Variants in ADGRG7 observed in about 807,000 individuals in gnomAD.
ADGRG7 encodes G-protein coupled receptor 128.
A neutral mutation model predicts 88.6 loss-of-function variants in ADGRG7; 82 were observed. That is an observed-to-expected ratio of 0.93 (90% CI 0.77 to 1.11). ADGRG7 has a LOEUF of 1.11. Ranked by LOEUF, ADGRG7 falls within the 50% of genes most tolerant of loss-of-function variation. ADGRG7 has a pLI of 0.00. For missense variants in ADGRG7, 945 were observed against 953.4 expected (o/e 0.99, Z 0.12); for synonymous variants, 381 against 345.2 (o/e 1.10, Z -1.15).
chr3:100,688,441 C>T (rs543228758), intron 15 of ADGRG7, among the ~76,000 whole-genome samples: 1 of 152,236 alleles, frequency 6.6e-6, no homozygotes, highest in Non-Finnish European at 1.5e-5. Context: ...TTTGCTCTTG[C>T]TTCTCTAGTT....
At position 100,646,740 on chromosome 3, in the gene ADGRG7, G is replaced by A; in HGVS notation, c.1266+16G>A. 1 of 1,598,642 alleles carries A rather than the reference G, an allele frequency of 6.3e-7. No individual in the cohort carries two copies. Among genetic ancestry groups the A allele is most frequent in the Non-Finnish European group, 8.5e-7 (1 of 1,169,794 alleles). Reference sequence around the variant, plus strand: ...TGTATTAATGGTAAGGATATACATAGCAATCTCTTTCCAGATGAGAATTTT... The same window carrying A: ...TGTATTAATGGTAAGGATATACATAACAATCTCTTTCCAGATGAGAATTTT... On this transcript the variant is annotated intron_variant, in intron 10 of 15. Transcript: ENST00000273352.
At chr3:100,626,075 C>G (rs1474018395) in intron 1 of ADGRG7, among the ~76,000 whole-genome samples, 1 of 152,140 alleles carries the variant, frequency 6.6e-6, no homozygotes, top group African/African-American at 2.4e-5. Context: ...AATAGTTTCA[C>G]AAGGAAAGGT....
intron 6 of ADGRG7, among the ~76,000 whole-genome samples, chr3:100,640,512 C>T (rs932131267): frequency 1.3e-5 from 2 of 152,006 alleles, no homozygotes; most frequent in Non-Finnish European, 1.5e-5. Flanking sequence ...TTTAGGACTT[C>T]ACCTCACCAT....
chr3:100,692,280 C>A (rs149075750), intron 15 of ADGRG7, among the ~76,000 whole-genome samples: 5 of 152,300 alleles, frequency 3.3e-5, no homozygotes, highest in East Asian at 3.9e-4. Context: ...TGGATGGGTG[C>A]CTGCCACTAA....
At chr3:100,673,599 T>C (rs1442663299) in intron 15 of ADGRG7, among the ~76,000 whole-genome samples, 2 of 151,992 alleles carry the variant, frequency 1.3e-5, no homozygotes, top group Non-Finnish European at 2.9e-5. Flanking sequence ...ATAGCTGGGA[T>C]TACAGGCGTG....
chr3:100,657,138 G>A (rs1399528989), intron 13 of ADGRG7, among the ~76,000 whole-genome samples: 1 of 152,202 alleles, frequency 6.6e-6, no homozygotes, highest in African/African-American at 2.4e-5. Context: ...TACGGTGTTA[G>A]TTGTTGGGGA....
At chr3:100,686,673 A>G (rs1038455918) in intron 15 of ADGRG7, among the ~76,000 whole-genome samples, 2 of 152,184 alleles carry the variant, frequency 1.3e-5, no homozygotes, top group Non-Finnish European at 2.9e-5. Flanking sequence ...TTTGTCAAAG[A>G]TCAGATAGTT....
chr3:100,663,520 CT>C (rs1212048199), intron 14 of ADGRG7, among the ~76,000 whole-genome samples: 1 of 151,990 alleles, frequency 6.6e-6, no homozygotes, highest in Non-Finnish European at 1.5e-5. Context: ...TACTCTAGAA[CT>C]TTCTCATCTC....
chr3:100,613,539 A>T (rs374128509), intron 1 of ADGRG7, among the ~76,000 whole-genome samples: 545 of 36,022 alleles, frequency 0.015, 5 homozygotes, highest in South Asian at 0.05. Flanking sequence ...CCCCTAAATT[A>T]AAAAAAAAAA....
chr3:100,669,333 C>CA (rs1164994643), intron 15 of ADGRG7, among the ~76,000 whole-genome samples: 1 of 151,644 alleles, frequency 6.6e-6, no homozygotes, highest in Non-Finnish European at 1.5e-5. Flanking sequence ...AAAAAAAATA[C>CA]AAAAAATTAG....
At chr3:100,612,219 A>G (rs1481511218) in intron 1 of ADGRG7, among the ~76,000 whole-genome samples, 1 of 152,064 alleles carries the variant, frequency 6.6e-6, no homozygotes, top group African/African-American at 2.4e-5. Flanking sequence ...GTGAAAAATA[A>G]AAAAAAATTT....
At chr3:100,668,439 T>C (rs2094954367) in intron 14 of ADGRG7, among the ~76,000 whole-genome samples, 1 of 152,180 alleles carries the variant, frequency 6.6e-6, no homozygotes, top group Admixed American at 6.5e-5. Flanking sequence ...CTTTCAAGTC[T>C]CTGCTTGATA....
At chr3:100,673,242 G>C (rs1338113867) in intron 15 of ADGRG7, among the ~76,000 whole-genome samples, 2 of 152,124 alleles carry the variant, frequency 1.3e-5, no homozygotes, top group Non-Finnish European at 2.9e-5. Context: ...CTCAATTTCA[G>C]AACTTGTTAT....
At chr3:100,645,001 G>A (rs1454539155) in intron 8 of ADGRG7, among the ~76,000 whole-genome samples, 1 of 152,208 alleles carries the variant, frequency 6.6e-6, no homozygotes, top group Non-Finnish European at 1.5e-5. Context: ...TGGCCACAGA[G>A]GAGGACAATT....
At chr3:100,615,137 G>A (rs76615056) in intron 1 of ADGRG7, among the ~76,000 whole-genome samples, 2,497 of 152,304 alleles carry the variant, frequency 0.016, 70 homozygotes, top group African/African-American at 0.057. Context: ...GGAGGTCTGA[G>A]TCTAGCACCT....
At position 100,616,793 on chromosome 3, in the gene ADGRG7, C is replaced by A. The variant is rs553616895; in HGVS notation, c.115+6822C>A. On this transcript the variant is annotated intron_variant, in intron 1 of 15. Transcript: ENST00000273352. ...CTATGATTACACCTCTGCACTCCAA[C>A]CTGGGTGACAGAGGGAGATCCTGTC... Among the ~76,000 whole-genome samples, 26 of 152,268 alleles carry A rather than the reference C, an allele frequency of 1.7e-4. 1 individual carries two copies. The highest frequency in any genetic ancestry group is 4.6e-4 in the African/African-American group (19 of 41,568).
chr3:100,668,157 T>C (rs2094954098), intron 14 of ADGRG7, among the ~76,000 whole-genome samples: 1 of 152,214 alleles, frequency 6.6e-6, no homozygotes, highest in Admixed American at 6.5e-5. Flanking sequence ...GGTACCTACG[T>C]TGAAAATGCA....
At chr3:100,667,873 C>T (rs2094953797) in intron 14 of ADGRG7, among the ~76,000 whole-genome samples, 3 of 152,198 alleles carry the variant, frequency 2.0e-5, no homozygotes, top group South Asian at 2.1e-4. Context: ...TCGGTGTCTG[C>T]CCAATTGGCC....
chr3:100,635,817 T>G lies in ADGRG7; in HGVS notation c.588T>G (p.Ala196=), dbSNP rs769620509. 6.2e-7 allele frequency: 1 copy of G among 1,611,116 alleles called. No homozygotes were observed. The highest frequency in any genetic ancestry group is 1.1e-5 in the South Asian group (1 of 89,778). Residue 196 remains alanine (A), a synonymous_variant, in exon 5 of 16, where the codon GCT becomes GCG. Transcript: ENST00000273352. Reference sequence around the variant, plus strand: ...AGATATTCAACACTTCCAGAAATGCTTCACCTGAGGTAAAACTCACAGAGC... The same window carrying G: ...AGATATTCAACACTTCCAGAAATGCGTCACCTGAGGTAAAACTCACAGAGC... ...VGQIFNTSRN[A]SPEAKKVAIV...
Sources: gnomAD v4.1 joint callset for allele counts (sites outside exome capture counted in the v4.1 genomes callset) on GRCh38, gnomAD v4.1.1 for gene constraint, MANE v1.5 for transcripts, NCBI Gene and HGNC (gene_info 2026-07-23, HGNC 2026-07-21) for gene names.